C14orf132: variants seen among roughly 807,000 people sequenced by gnomAD.
C14orf132 encodes the protein uncharacterized protein C14orf132.
A neutral mutation model predicts 5.8 loss-of-function variants in C14orf132; 6 were observed. The observed-to-expected ratio is 1.03, with a 90% CI of 0.57 to 2.04. The LOEUF (loss-of-function observed/expected upper bound fraction) is 2.04, where lower values mean the gene tolerates loss of function less well. Ranked by LOEUF, C14orf132 falls within the 30% of genes most tolerant of loss-of-function variation. The pLI is 0.00. For missense variants in C14orf132, 125 were observed against 115.8 expected (o/e 1.08, Z -0.37); for synonymous variants, 51 against 49.8 (o/e 1.02, Z -0.10).
At position 96,090,843 on chromosome 14, in the gene C14orf132, G is replaced by A. The variant is rs1888377300; in HGVS notation, c.*4108G>A. 1 of 456,004 alleles carries A rather than the reference G, an allele frequency of 2.2e-6. No individual in the cohort carries two copies. Among genetic ancestry groups the A allele is most frequent in the Non-Finnish European group, 4.4e-6 (1 of 226,818 alleles). The allele number at this position is 456,004 out of a possible 1,614,324, so 28.2% of individuals were successfully genotyped here. Reference sequence around the variant, plus strand: ...CCCTGGAGACCGAAGAGGCTCAGTGGAGTCTGTCTGTTGTCAGCACTGCTG... The same window carrying A: ...CCCTGGAGACCGAAGAGGCTCAGTGAAGTCTGTCTGTTGTCAGCACTGCTG... On this transcript the variant is annotated 3_prime_UTR_variant, in exon 2 of 2. Coordinates refer to ENST00000555004, the MANE Select transcript of C14orf132 (RefSeq NM_001252507.3).
Position 96,092,307 on chromosome 14 carries a change from C to A in C14orf132, c.*5572C>A, listed in dbSNP as rs905989819. The A allele has an allele frequency of 6.6e-5, 10 of 152,182 alleles. No individual in the cohort carries two copies. Among genetic ancestry groups the A allele is most frequent in the African/African-American group, 2.2e-4 (9 of 41,454 alleles). The allele number at this position is 152,182 out of a possible 1,614,324, so 9.4% of individuals were successfully genotyped here. A position where few individuals can be genotyped will look rare whatever the true frequency, so the allele number is the denominator to read the frequency against. Reference sequence around the variant, plus strand: ...CGGATGGCTCCATCCAGACATTTGGCAAGGCTGTCATCTGCTCTTGGGTCC... The same window carrying A: ...CGGATGGCTCCATCCAGACATTTGGAAAGGCTGTCATCTGCTCTTGGGTCC... On this transcript the variant is annotated 3_prime_UTR_variant, in exon 2 of 2. Coordinates refer to ENST00000555004, the MANE Select transcript of C14orf132 (RefSeq NM_001252507.3).
intron 1 of C14orf132, among the ~76,000 whole-genome samples, chr14:96,080,880 G>A (rs1566835465): frequency 2.0e-5 from 3 of 152,140 alleles, no homozygotes; most frequent in Admixed American, 6.5e-5. Context: ...TTAATCCCAC[G>A]GCCACAACTG....
intron 1 of C14orf132, among the ~76,000 whole-genome samples, chr14:96,049,974 T>C (rs1428944480): frequency 6.6e-6 from 1 of 152,194 alleles, no homozygotes; most frequent in African/African-American, 2.4e-5. Context: ...TTCCATTCTC[T>C]TCTTAACATG....
rs1230092802 is a variant in C14orf132, at chr14:96,049,609, TAC to T, written c.27+10084_27+10085del. ...ATATATACATATATACGTATATATA[TAC>T]ATATATACGTATATATATACATATA... On this transcript the variant is annotated intron_variant, in intron 1 of 1. Transcript: ENST00000555004. Among the ~76,000 whole-genome samples the T allele has an allele frequency of 7.0e-3, 831 of 119,050 alleles. 49 individuals carry two copies. The highest frequency in any genetic ancestry group is 0.015 in the South Asian group (60 of 3,938). 78.1% of individuals were successfully genotyped at this position (119,050 alleles called of 152,430 possible). A position where few individuals can be genotyped will look rare whatever the true frequency, so the allele number is the denominator to read the frequency against.
intron 1 of C14orf132, among the ~76,000 whole-genome samples, chr14:96,074,377 C>A (rs1212750669): frequency 2.0e-5 from 3 of 152,024 alleles, no homozygotes; most frequent in Admixed American, 6.6e-5. Flanking sequence ...TAATAAAATC[C>A]AGTTTGCAGT....
intron 1 of C14orf132, among the ~76,000 whole-genome samples, chr14:96,053,861 G>A (rs1377203725): frequency 1.3e-5 from 2 of 152,154 alleles, no homozygotes; most frequent in African/African-American, 4.8e-5. Flanking sequence ...AGCACTCCAG[G>A]GAGTCAAGCC....
chr14:96,079,115 CTG>C (rs561191389), intron 1 of C14orf132, among the ~76,000 whole-genome samples: 159 of 152,358 alleles, frequency 1.0e-3, no homozygotes, highest in African/African-American at 3.8e-3. Context: ...GTCCAGCTCT[CTG>C]CCTTGGGAGT....
At chr14:96,071,998 C>G (rs917375636) in intron 1 of C14orf132, among the ~76,000 whole-genome samples, 4 of 152,220 alleles carry the variant, frequency 2.6e-5, no homozygotes, top group Admixed American at 6.5e-5. Flanking sequence ...GGGAGAAGCT[C>G]TTTTTGGAGT....
chr14:96,054,585 GA>G (rs1171725666), intron 1 of C14orf132, among the ~76,000 whole-genome samples: 2 of 152,210 alleles, frequency 1.3e-5, no homozygotes, highest in Non-Finnish European at 2.9e-5. Context: ...AGAATCAAAT[GA>G]GATGGTGAAT....
At chr14:96,063,479 T>C (rs1887424648) in intron 1 of C14orf132, among the ~76,000 whole-genome samples, 1 of 152,060 alleles carries the variant, frequency 6.6e-6, no homozygotes, top group Non-Finnish European at 1.5e-5. Flanking sequence ...GGGCTAATTT[T>C]TGTATTTTTA....
chr14:96,064,393 C>CACACACACACACACAT (rs771778523), intron 1 of C14orf132, among the ~76,000 whole-genome samples: 47 of 146,392 alleles, frequency 3.2e-4, no homozygotes, highest in African/African-American at 1.2e-3. Context: ...CACACACACA[C>CACACACACACACACAT]ATATACATAT....
At chr14:96,072,653 G>A (rs1024984068) in intron 1 of C14orf132, among the ~76,000 whole-genome samples, 3 of 152,054 alleles carry the variant, frequency 2.0e-5, no homozygotes, top group African/African-American at 7.2e-5. Flanking sequence ...TGCCTCTTGC[G>A]GTCAACCACC....
intron 1 of C14orf132, among the ~76,000 whole-genome samples, chr14:96,068,329 C>G (rs909658079): frequency 1.3e-5 from 2 of 152,152 alleles, no homozygotes; most frequent in Non-Finnish European, 2.9e-5. Context: ...AATGAGAAAG[C>G]CTTTGGGGTT....
chr14:96,075,889 T>C (rs1887851368), intron 1 of C14orf132, among the ~76,000 whole-genome samples: 3 of 152,250 alleles, frequency 2.0e-5, no homozygotes, highest in African/African-American at 7.2e-5. Context: ...TTTGATTTTG[T>C]TAGCAGAGTA....
At chr14:96,084,200 C>G (rs1888112031) in intron 1 of C14orf132, among the ~76,000 whole-genome samples, 2 of 152,138 alleles carry the variant, frequency 1.3e-5, no homozygotes, top group South Asian at 4.1e-4. Flanking sequence ...GCAGCATGGG[C>G]CTGGTGAGAG....
At position 96,039,560 on chromosome 14, in the gene C14orf132, C is replaced by T; in HGVS notation, c.27+33C>T. 1.3e-6 allele frequency: 2 copies of T among 1,495,270 alleles called. No individual in the cohort carries two copies. The highest frequency in any genetic ancestry group is 1.8e-6 in the Non-Finnish European group (2 of 1,124,806). 92.6% of individuals were successfully genotyped at this position (1,495,270 alleles called of 1,614,324 possible). On this transcript the variant is annotated intron_variant, in intron 1 of 1. Coordinates refer to ENST00000555004, the MANE Select transcript of C14orf132 (RefSeq NM_001252507.3). This position sits in a 1 kb window ranked among gnomAD's most constrained non-coding sequence, Gnocchi z 5.3. ...GGCGTCCCCCCCACGCGCCCCGGGC[C>T]GCCAAGTTTGGGGAGGTTCGGGGCC...
At chr14:96,084,761 G>T (rs1888129076) in intron 1 of C14orf132, among the ~76,000 whole-genome samples, 1 of 152,170 alleles carries the variant, frequency 6.6e-6, no homozygotes, top group African/African-American at 2.4e-5. Context: ...GTCCTTTCCA[G>T]TCACTGCACT....
chr14:96,075,601 T>C (rs1216853652), intron 1 of C14orf132, among the ~76,000 whole-genome samples: 1 of 152,202 alleles, frequency 6.6e-6, no homozygotes, highest in East Asian at 1.9e-4. Context: ...GGAAGTTCCC[T>C]TCTATTTCTA....
chr14:96,075,648 C>A (rs1368161681), intron 1 of C14orf132, among the ~76,000 whole-genome samples: 3 of 152,156 alleles, frequency 2.0e-5, no homozygotes, highest in Non-Finnish European at 2.9e-5. Context: ...TGGATGTTTA[C>A]TTTTGTCAAA....
Sources: gnomAD v4.1 joint callset for allele counts (sites outside exome capture counted in the v4.1 genomes callset) on GRCh38, gnomAD v4.1.1 for gene constraint, Gnocchi (gnomAD v3.1) non-coding constraint, MANE v1.5 for transcripts, NCBI Gene and HGNC (gene_info 2026-07-23, HGNC 2026-07-21) for gene names.